NBAS: variants seen among roughly 807,000 people sequenced by gnomAD.
The protein encoded by NBAS is NBAS subunit of NRZ tethering complex, also known as NAG/BC035112 fusion.
NBAS carries 219 observed loss-of-function variants against 302.5 expected under a neutral mutation model. That is an observed-to-expected ratio of 0.72 (90% CI 0.65 to 0.81). NBAS has a LOEUF of 0.81. NBAS is among the 30% of genes least tolerant of loss of function. The pLI is 0.00. For missense variants in NBAS, 2,932 were observed against 2,841.6 expected (o/e 1.03, Z -0.72); for synonymous variants, 1,118 against 1,021.6 (o/e 1.09, Z -1.80).
At chr2:15,366,455 G>A (rs569704496) in intron 32 of NBAS, 125 bp downstream of exon 32, 9 of 899,240 alleles carry the variant, frequency 1.0e-5, no homozygotes, top group Admixed American at 5.9e-5. Context: ...GCAACAGAGC[G>A]AGACCCTGTC....
intron 26 of NBAS, among the ~76,000 whole-genome samples, chr2:15,400,478 G>A (rs1025539047): frequency 1.3e-5 from 2 of 152,008 alleles, no homozygotes; most frequent in African/African-American, 4.8e-5. Flanking sequence ...TATGGGAGAA[G>A]GGAAAGGACT....
chr2:14,873,376 G>C, the NBAS span, among the ~76,000 whole-genome samples: 1 of 152,124 alleles, frequency 6.6e-6, no homozygotes, highest in Admixed American at 6.5e-5. Flanking sequence ...CACCACACCT[G>C]ATTAATTTTT....
At chr2:14,871,933 T>C in the NBAS span, among the ~76,000 whole-genome samples, 2 of 152,272 alleles carry the variant, frequency 1.3e-5, no homozygotes, top group Non-Finnish European at 1.5e-5. Flanking sequence ...CAACAATTTG[T>C]AGACAGAGAT....
chr2:14,934,484 T>C, the NBAS span, among the ~76,000 whole-genome samples: 1 of 152,176 alleles, frequency 6.6e-6, no homozygotes, highest in Non-Finnish European at 1.5e-5. Context: ...GTAGTTTAAT[T>C]TAAAAGTAGA....
At chr2:15,195,698 A>C (rs1291682640) in intron 48 of NBAS, among the ~76,000 whole-genome samples, 3 of 151,852 alleles carry the variant, frequency 2.0e-5, no homozygotes, top group Non-Finnish European at 4.4e-5. Context: ...TAGACAGAAA[A>C]CTCCTGAAGC....
chr2:15,049,037 C>G, the NBAS span, among the ~76,000 whole-genome samples: 1 of 152,216 alleles, frequency 6.6e-6, no homozygotes, highest in Non-Finnish European at 1.5e-5. Context: ...CAGGAGTCAG[C>G]CAGGCGAAGG....
At chr2:15,258,295 T>C (rs951623682) in intron 44 of NBAS, among the ~76,000 whole-genome samples, 1 of 152,122 alleles carries the variant, frequency 6.6e-6, no homozygotes, top group Non-Finnish European at 1.5e-5. Context: ...GTTTGAACAA[T>C]ATGAAATCAG....
At chr2:15,224,620 G>A (rs1667081503) in intron 47 of NBAS, among the ~76,000 whole-genome samples, 1 of 152,162 alleles carries the variant, frequency 6.6e-6, no homozygotes, top group African/African-American at 2.4e-5. Context: ...TTTAAAAACT[G>A]GGTGACAGGA....
intron 48 of NBAS, among the ~76,000 whole-genome samples, chr2:15,211,755 C>G (rs566439919): frequency 6.6e-6 from 1 of 152,198 alleles, no homozygotes; most frequent in African/African-American, 2.4e-5. Context: ...GAAAAGAGTA[C>G]CCAGAGATGG....
intron 28 of NBAS, among the ~76,000 whole-genome samples, chr2:15,391,056 GC>G (rs1675568901): frequency 6.6e-6 from 1 of 151,886 alleles, no homozygotes; most frequent in African/African-American, 2.4e-5. Context: ...GTTGCAGTGA[GC>G]CGAGATCGCA....
chr2:15,259,878 T>C (rs994018009), intron 44 of NBAS, among the ~76,000 whole-genome samples: 1 of 152,232 alleles, frequency 6.6e-6, no homozygotes, highest in African/African-American at 2.4e-5. Context: ...GCTTGGTTTA[T>C]GCTGGGCTCT....
chr2:15,151,775 A>G, the NBAS span, among the ~76,000 whole-genome samples: 1 of 152,188 alleles, frequency 6.6e-6, no homozygotes, highest in Admixed American at 6.5e-5. Context: ...AGGTTTCTTC[A>G]GTCTCCTAGT....
the NBAS span, among the ~76,000 whole-genome samples, chr2:14,953,545 G>A: frequency 3.9e-5 from 6 of 152,196 alleles, no homozygotes; most frequent in Non-Finnish European, 5.9e-5. Flanking sequence ...ATGGAGTGGT[G>A]GATGTGGGTA....
chr2:15,556,344 C>T (rs1238278353), intron 3 of NBAS, among the ~76,000 whole-genome samples: 4 of 152,104 alleles, frequency 2.6e-5, no homozygotes, highest in Non-Finnish European at 1.5e-5. Context: ...TTAGCATCAT[C>T]CCTGCAAATA....
intron 15 of NBAS, 93 bp from the exon 16 acceptor site, chr2:15,473,440 A>T (rs1215150678): frequency 5.3e-6 from 8 of 1,498,920 alleles, no homozygotes; most frequent in Admixed American, 1.8e-5. Context: ...AATCCCTTGG[A>T]CTTATCCAGC....
At chr2:15,316,311 G>C (rs943224359) in intron 38 of NBAS, among the ~76,000 whole-genome samples, 2 of 152,192 alleles carry the variant, frequency 1.3e-5, no homozygotes, top group Non-Finnish European at 2.9e-5. Flanking sequence ...GATCGATGCA[G>C]AACACAGGTG....
chr2:14,900,526 T>C, the NBAS span, among the ~76,000 whole-genome samples: 1 of 152,216 alleles, frequency 6.6e-6, no homozygotes, highest in Non-Finnish European at 1.5e-5. Flanking sequence ...GGTTTGGTTA[T>C]AAATGCCAGG....
intron 9 of NBAS, among the ~76,000 whole-genome samples, chr2:15,514,759 G>C (rs1487632573): frequency 6.6e-6 from 1 of 151,968 alleles, no homozygotes; most frequent in Non-Finnish European, 1.5e-5. Flanking sequence ...GCTGACTACT[G>C]AAGGAGTTAC....
chr2:15,541,544 T>C (rs1663821041), intron 6 of NBAS, among the ~76,000 whole-genome samples: 1 of 152,172 alleles, frequency 6.6e-6, no homozygotes, highest in Admixed American at 6.5e-5. Context: ...TTCTTCATTT[T>C]GATTATTTAT....
Sources: allele counts gnomAD v4.1 joint callset (sites outside exome capture counted in the v4.1 genomes callset), GRCh38; gene constraint gnomAD v4.1.1; transcripts MANE v1.5; gene names NCBI Gene and HGNC (gene_info 2026-07-23, HGNC 2026-07-21).